Variants in PCDH9 observed in about 807,000 individuals in gnomAD.
PCDH9 encodes protocadherin-9.
A neutral mutation model predicts 70.6 loss-of-function variants in PCDH9; 24 were observed. The observed-to-expected ratio is 0.34, with a 90% CI of 0.25 to 0.48. PCDH9 has a LOEUF of 0.48. Among genes scored for constraint, PCDH9 ranks in the 20% least tolerant of loss-of-function variants. PCDH9 has a pLI of 0.99. For synonymous variants in PCDH9, 562 were observed against 558.5 expected (o/e 1.01, Z -0.09); for missense variants, 1,281 against 1,503.6 (o/e 0.85, Z 2.45).
chr13:66,418,380 A>G (rs1431329173), intron 4 of PCDH9, among the ~76,000 whole-genome samples: 2 of 152,206 alleles, frequency 1.3e-5, no homozygotes, highest in Non-Finnish European at 2.9e-5. Context: ...TTTTGGTACC[A>G]GCACAATGTT....
intron 3 of PCDH9, among the ~76,000 whole-genome samples, chr13:66,744,473 C>T (rs571667327): frequency 6.6e-6 from 1 of 152,236 alleles, no homozygotes; most frequent in African/African-American, 2.4e-5. Context: ...CACGACCAAT[C>T]TCTTGTCCTA....
chr13:66,728,518 G>T (rs1221036784), intron 3 of PCDH9, among the ~76,000 whole-genome samples: 1 of 152,014 alleles, frequency 6.6e-6, no homozygotes, highest in African/African-American at 2.4e-5. Context: ...TTCCTAAGTG[G>T]TCATGAAATT....
At chr13:66,673,294 C>T in intron 3 of PCDH9, among the ~76,000 whole-genome samples, 2 of 152,286 alleles carry the variant, frequency 1.3e-5, no homozygotes, top group Middle Eastern at 6.8e-3. Context: ...CTCTTGCTTG[C>T]TGCCATATAA....
intron 3 of PCDH9, among the ~76,000 whole-genome samples, chr13:66,668,397 G>C (rs1409221072): frequency 6.6e-6 from 1 of 152,080 alleles, no homozygotes; most frequent in African/African-American, 2.4e-5. Context: ...AATGCCACAA[G>C]ATTTTATTTT....
chr13:66,761,703 A>G (rs1393656375), intron 3 of PCDH9, among the ~76,000 whole-genome samples: 1 of 151,694 alleles, frequency 6.6e-6, no homozygotes, highest in African/African-American at 2.4e-5. Flanking sequence ...CATCTCTAAG[A>G]TTTCTGTTTG....
At chr13:67,048,511 C>A (rs974061560) in intron 2 of PCDH9, among the ~76,000 whole-genome samples, 1 of 152,110 alleles carries the variant, frequency 6.6e-6, no homozygotes, top group African/African-American at 2.4e-5. Flanking sequence ...TGTACAGTAA[C>A]TCCGGGCATT....
At chr13:66,685,109 C>T (rs1025336205) in intron 3 of PCDH9, among the ~76,000 whole-genome samples, 26 of 152,108 alleles carry the variant, frequency 1.7e-4, no homozygotes, top group Non-Finnish European at 3.7e-4. Flanking sequence ...AAATGTTAGT[C>T]GCCAGGATAA....
intron 3 of PCDH9, among the ~76,000 whole-genome samples, chr13:66,795,504 A>G (rs2080227551): frequency 6.6e-6 from 1 of 152,156 alleles, no homozygotes; most frequent in South Asian, 2.1e-4. Context: ...AAAATATCAC[A>G]GTGCACCATA....
intron 4 of PCDH9, among the ~76,000 whole-genome samples, chr13:66,407,947 A>G (rs995295059): frequency 8.5e-5 from 13 of 152,228 alleles, no homozygotes; most frequent in African/African-American, 3.1e-4. Flanking sequence ...AGTCAGGTTC[A>G]CTAGAATGCA....
intron 2 of PCDH9, among the ~76,000 whole-genome samples, chr13:66,955,328 G>A (rs918813203): frequency 1.3e-5 from 2 of 152,110 alleles, no homozygotes; most frequent in Non-Finnish European, 2.9e-5. Flanking sequence ...AATTATGAGA[G>A]CATAAAGGAA....
chr13:66,784,948 G>T (rs1464649890), intron 3 of PCDH9, among the ~76,000 whole-genome samples: 1 of 151,868 alleles, frequency 6.6e-6, no homozygotes, highest in Non-Finnish European at 1.5e-5. Flanking sequence ...TAACTTTAAA[G>T]GGTTCTTCTG....
At chr13:66,780,093 T>C (rs893101517) in intron 3 of PCDH9, among the ~76,000 whole-genome samples, 12 of 151,906 alleles carry the variant, frequency 7.9e-5, no homozygotes, top group South Asian at 6.2e-4. Flanking sequence ...AACAATTATG[T>C]TTTAGCTGCT....
chr13:66,609,767 TCAAA>T (rs886506692), intron 4 of PCDH9, among the ~76,000 whole-genome samples: 2 of 150,656 alleles, frequency 1.3e-5, no homozygotes, highest in African/African-American at 4.8e-5. Flanking sequence ...ATCTGAACAG[TCAAA>T]CATTCATATA....
At chr13:67,147,633 C>G (rs1291990598) in intron 2 of PCDH9, among the ~76,000 whole-genome samples, 5 of 152,154 alleles carry the variant, frequency 3.3e-5, no homozygotes, top group Non-Finnish European at 7.3e-5. Context: ...GAAATAATAA[C>G]TGAGACTGAG....
At chr13:67,185,650 T>A (rs1022841379) in intron 2 of PCDH9, among the ~76,000 whole-genome samples, 4 of 152,244 alleles carry the variant, frequency 2.6e-5, no homozygotes, top group African/African-American at 9.6e-5. Context: ...ATGATACATC[T>A]TTTGACACAC....
At chr13:66,946,596 A>G (rs2083091789) in intron 2 of PCDH9, among the ~76,000 whole-genome samples, 1 of 152,112 alleles carries the variant, frequency 6.6e-6, no homozygotes, top group Non-Finnish European at 1.5e-5. Context: ...CAAGGAAAAC[A>G]TGACAAGGGC....
At chr13:66,357,903 C>A (rs1956411647) in intron 4 of PCDH9, among the ~76,000 whole-genome samples, 1 of 151,088 alleles carries the variant, frequency 6.6e-6, no homozygotes, top group Admixed American at 6.7e-5. Context: ...CTTTTAGAAT[C>A]TTTTCTCAAT....
intron 4 of PCDH9, among the ~76,000 whole-genome samples, chr13:66,473,038 T>A (rs1261766344): frequency 6.6e-6 from 1 of 151,890 alleles, no homozygotes; most frequent in Non-Finnish European, 1.5e-5. Flanking sequence ...TTTTTATGGA[T>A]TGATTTGCAA....
At chr13:66,429,430 G>T (rs115616929) in intron 4 of PCDH9, among the ~76,000 whole-genome samples, 28 of 144,996 alleles carry the variant, frequency 1.9e-4, no homozygotes, top group African/African-American at 4.0e-4. Flanking sequence ...TATTTTTTCT[G>T]TTTTTTTTTT....
Sources: gnomAD v4.1 joint callset for allele counts (sites outside exome capture counted in the v4.1 genomes callset) on GRCh38, gnomAD v4.1.1 for gene constraint, MANE v1.5 for transcripts, NCBI Gene and HGNC (gene_info 2026-07-23, HGNC 2026-07-21) for gene names.